Variants in CPPED1 observed in about 807,000 individuals in gnomAD.
CPPED1 encodes calcineurin like phosphoesterase domain containing 1.
CPPED1 carries 28 observed loss-of-function variants against 28.0 expected under a neutral mutation model. The observed-to-expected ratio is 1.00, with a 90% CI of 0.74 to 1.37. CPPED1 has a LOEUF of 1.37. CPPED1 is among the 40% of genes most tolerant of loss of function. The pLI is 0.00. For missense variants in CPPED1, 504 were observed against 416.5 expected, an observed-to-expected ratio of 1.21 and a Z score of -1.83; for synonymous variants, 198 against 180.2, an observed-to-expected ratio of 1.10 and a Z score of -0.79.
At chr16:12,717,223 C>T (rs1196464374) in intron 2 of CPPED1, among the ~76,000 whole-genome samples, 1 of 152,152 alleles carries the variant, frequency 6.6e-6, no homozygotes, top group Non-Finnish European at 1.5e-5. Context: ...AGGCTAAGTA[C>T]TCTACACAGA....
intron 1 of CPPED1, among the ~76,000 whole-genome samples, chr16:12,784,891 ATTAC>A (rs1259884114): frequency 1.3e-5 from 2 of 152,180 alleles, no homozygotes; most frequent in Admixed American, 6.5e-5. Context: ...ATCTTTCATT[ATTAC>A]TTGTTTACTT....
chr16:12,777,869 T>TA (rs5815718), intron 2 of CPPED1, among the ~76,000 whole-genome samples: 2,199 of 147,054 alleles, frequency 0.015, 53 homozygotes, highest in African/African-American at 0.052. Context: ...TTACTTTCAT[T>TA]AAAAAAAAAA....
intron 2 of CPPED1, among the ~76,000 whole-genome samples, chr16:12,739,531 A>G (rs2080243481): frequency 6.6e-6 from 1 of 152,188 alleles, no homozygotes; most frequent in Non-Finnish European, 1.5e-5. Flanking sequence ...CAGTGAGCCA[A>G]GATCACACCA....
chr16:12,689,015 G>C (rs1364987449), intron 3 of CPPED1, among the ~76,000 whole-genome samples: 2 of 152,092 alleles, frequency 1.3e-5, no homozygotes, highest in African/African-American at 2.4e-5. Context: ...GCATGAAGAA[G>C]TTCAAGATGT....
intron 1 of CPPED1, among the ~76,000 whole-genome samples, chr16:12,794,313 T>C (rs1219910335): frequency 1.3e-5 from 2 of 152,134 alleles, no homozygotes; most frequent in African/African-American, 2.4e-5. Context: ...AGCCACTGAA[T>C]TGTACACATT....
chr16:12,755,686 T>C lies in CPPED1; in HGVS notation c.289+25499A>G, dbSNP rs532116999. On this transcript the variant is annotated intron_variant, in intron 2 of 3. Coordinates refer to ENST00000381774, the MANE Select transcript of CPPED1 (RefSeq NM_018340.3). Reference sequence around the variant, plus strand: ...TAATACGCATACAATAAAGTTAATTTACTCATTTGCTTCATCATAGGAAAA... The same window carrying C: ...TAATACGCATACAATAAAGTTAATTCACTCATTTGCTTCATCATAGGAAAA... 1.8e-3 allele frequency among the ~76,000 whole-genome samples: 276 copies of C among 152,360 alleles called. 1 individual carries two copies. Among genetic ancestry groups the C allele is most frequent in the Middle Eastern group, 6.8e-3 (2 of 294 alleles).
At position 12,803,717 on chromosome 16, in the gene CPPED1, C is replaced by G. The variant is rs753703652; in HGVS notation, c.60G>C (p.Ala20=). Residue 20 remains alanine, a synonymous_variant, in exon 1 of 4, where the codon GCG becomes GCC. Transcript: ENST00000381774. ...AGGGGCGGGCAGTACCTGCGGGAAA[C>G]GCGGCCAGGGTCCTGCCCCTGGCTC... The part of the protein sequence containing the change: ...FHRARGRTLA[A]FPAEKESEWK... 54 of 1,580,240 alleles carry G rather than the reference C, an allele frequency of 3.4e-5. No individual in the cohort carries two copies. In the Admixed American group the frequency reaches 8.2e-4, roughly 24 times the overall value.
chr16:12,799,838 T>C (rs1337826701), intron 1 of CPPED1, among the ~76,000 whole-genome samples: 6 of 152,218 alleles, frequency 3.9e-5, no homozygotes, highest in Admixed American at 3.9e-4. Flanking sequence ...GGTGTGTCTA[T>C]GGGACTGCAT....
intron 2 of CPPED1, among the ~76,000 whole-genome samples, chr16:12,728,719 TTTTAATGA>T (rs2080182177): frequency 6.6e-6 from 1 of 152,158 alleles, no homozygotes; most frequent in African/African-American, 2.4e-5. Context: ...GCTAATACTA[TTTTAATGA>T]GTACAACGAC....
At chr16:12,742,732 G>C (rs1467512937) in intron 2 of CPPED1, among the ~76,000 whole-genome samples, 2 of 152,128 alleles carry the variant, frequency 1.3e-5, no homozygotes, top group Non-Finnish European at 2.9e-5. Context: ...TTATCAGTGG[G>C]GAAACGACAG....
intron 2 of CPPED1, among the ~76,000 whole-genome samples, chr16:12,740,174 C>T (rs1489329405): frequency 6.6e-6 from 1 of 152,130 alleles, no homozygotes; most frequent in East Asian, 1.9e-4. Flanking sequence ...AGGCCGGGCG[C>T]AGTGGCTCAT....
intron 3 of CPPED1, among the ~76,000 whole-genome samples, chr16:12,696,784 A>G (rs997928843): frequency 6.6e-5 from 10 of 151,972 alleles, no homozygotes; most frequent in Admixed American, 6.6e-4. Flanking sequence ...TCCTTAAGGG[A>G]TACACCAACT....
chr16:12,802,638 G>A (rs1217102274), intron 1 of CPPED1, among the ~76,000 whole-genome samples: 3 of 152,170 alleles, frequency 2.0e-5, no homozygotes, highest in Non-Finnish European at 4.4e-5. Flanking sequence ...AATTACCGGA[G>A]AAACCTACTT....
intron 2 of CPPED1, among the ~76,000 whole-genome samples, chr16:12,724,735 G>A (rs1046378395): frequency 2.6e-5 from 4 of 152,202 alleles, no homozygotes; most frequent in African/African-American, 9.7e-5. Context: ...CATTTTGCAA[G>A]AGAATGGAAA....
At chr16:12,666,371 C>T (rs1273286198) in intron 3 of CPPED1, among the ~76,000 whole-genome samples, 1 of 152,132 alleles carries the variant, frequency 6.6e-6, no homozygotes, top group Non-Finnish European at 1.5e-5. Context: ...AGACTGAAAG[C>T]ATTTTCAGGG....
chr16:12,695,314 G>C (rs2079984178), intron 3 of CPPED1, among the ~76,000 whole-genome samples: 2 of 152,094 alleles, frequency 1.3e-5, no homozygotes, highest in South Asian at 4.1e-4. Context: ...GCCCAGGATA[G>C]AGTACAGTGG....
chr16:12,751,819 GTTT>G (rs1326479547), intron 2 of CPPED1, among the ~76,000 whole-genome samples: 2 of 152,066 alleles, frequency 1.3e-5, no homozygotes, highest in African/African-American at 4.8e-5. Context: ...TATTTTTGGT[GTTT>G]TTTTATGCTT....
intron 2 of CPPED1, among the ~76,000 whole-genome samples, chr16:12,711,383 A>G (rs965303133): frequency 3.3e-5 from 5 of 152,244 alleles, no homozygotes; most frequent in African/African-American, 1.2e-4. Flanking sequence ...ATTTTGCAAG[A>G]TAAAAAGAGC....
chr16:12,743,078 C>G (rs1000058334), intron 2 of CPPED1, among the ~76,000 whole-genome samples: 1 of 152,152 alleles, frequency 6.6e-6, no homozygotes, highest in Non-Finnish European at 1.5e-5. Context: ...ACCCAAATTC[C>G]AGACTCCCAG....
Sources: gnomAD v4.1 joint callset for allele counts (sites outside exome capture counted in the v4.1 genomes callset) on GRCh38, gnomAD v4.1.1 for gene constraint, MANE v1.5 for transcripts, NCBI Gene and HGNC (gene_info 2026-07-23, HGNC 2026-07-21) for gene names.